Variants in SDK1 observed in about 807,000 individuals in gnomAD.
SDK1 encodes the protein sidekick cell adhesion molecule 1, also known as protein sidekick-1.
SDK1 carries 157 observed loss-of-function variants against 245.5 expected under a neutral mutation model. The observed-to-expected ratio is 0.64, with a 90% confidence interval of 0.56 to 0.73. SDK1 has a LOEUF of 0.73. Among genes scored for constraint, SDK1 ranks in the 30% least tolerant of loss-of-function variants. SDK1 has a pLI of 0.00. For synonymous variants in SDK1, 1,647 were observed against 1,278.5 expected (o/e 1.29, Z -6.15); for missense variants, 3,583 against 3,002.3 (o/e 1.19, Z -4.52).
intron 22 of SDK1, among the ~76,000 whole-genome samples, chr7:4,093,814 T>G (rs1781962481): frequency 1.3e-5 from 2 of 152,164 alleles, no homozygotes; most frequent in Non-Finnish European, 2.9e-5. Context: ...CGGGCTGTGT[T>G]TCATTTTGCT....
At chr7:3,428,889 G>T (rs73036706) in intron 1 of SDK1, among the ~76,000 whole-genome samples, 24,683 of 152,176 alleles carry the variant, frequency 0.16, 3,238 homozygotes, top group African/African-American at 0.36. Flanking sequence ...GGTCTAAATA[G>T]TTAGCAGTGG....
intron 28 of SDK1, among the ~76,000 whole-genome samples, chr7:4,140,168 C>G (rs1228752693): frequency 6.6e-6 from 1 of 152,182 alleles, no homozygotes; most frequent in Admixed American, 6.5e-5. Flanking sequence ...CTCTGCCGCC[C>G]CGCTCCACCC....
At chr7:4,240,831 C>G (rs1786472424) in intron 42 of SDK1, among the ~76,000 whole-genome samples, 1 of 152,032 alleles carries the variant, frequency 6.6e-6, no homozygotes, top group Middle Eastern at 3.2e-3. Context: ...GGGAGAGAAA[C>G]CCGGGAAATA....
chr7:3,550,528 T>A (rs547875913), intron 1 of SDK1, among the ~76,000 whole-genome samples: 13 of 152,310 alleles, frequency 8.5e-5, no homozygotes, highest in Admixed American at 4.6e-4. Context: ...GTGCTGACTG[T>A]CTGCAGTGTG....
chr7:4,220,860 C>G (rs1440919659), intron 39 of SDK1, among the ~76,000 whole-genome samples: 1 of 152,010 alleles, frequency 6.6e-6, no homozygotes, highest in Non-Finnish European at 1.5e-5. Flanking sequence ...CAGCCTCAAC[C>G]TCCCCCGGCT....
intron 4 of SDK1, among the ~76,000 whole-genome samples, chr7:3,790,269 T>C (rs757681730): frequency 1.8e-4 from 28 of 152,192 alleles, no homozygotes; most frequent in Non-Finnish European, 3.4e-4. Flanking sequence ...CAGATATTTA[T>C]ATCTGAAAAC....
chr7:3,875,517 G>C (rs969669922), intron 5 of SDK1, among the ~76,000 whole-genome samples: 3 of 152,262 alleles, frequency 2.0e-5, no homozygotes, highest in African/African-American at 7.2e-5. Flanking sequence ...ATGCAATCGT[G>C]TGTCAAGCTG....
chr7:3,324,610 G>C (rs1458991090), intron 1 of SDK1, among the ~76,000 whole-genome samples: 3 of 152,148 alleles, frequency 2.0e-5, no homozygotes. Context: ...CACTCCCATT[G>C]TATAACTGTA....
chr7:3,469,103 T>G (rs946726695), intron 1 of SDK1, among the ~76,000 whole-genome samples: 2 of 152,216 alleles, frequency 1.3e-5, no homozygotes, highest in African/African-American at 4.8e-5. Flanking sequence ...TGTTGTGATT[T>G]GAAATTTCGA....
At chr7:3,594,338 T>G (rs1780984014) in intron 1 of SDK1, among the ~76,000 whole-genome samples, 1 of 152,260 alleles carries the variant, frequency 6.6e-6, no homozygotes, top group South Asian at 2.1e-4. Flanking sequence ...CACATATTGC[T>G]TATCCATTTA....
chr7:3,992,481 G>T (rs954978118), intron 14 of SDK1, among the ~76,000 whole-genome samples: 11 of 152,190 alleles, frequency 7.2e-5, no homozygotes, highest in African/African-American at 2.7e-4. Flanking sequence ...CAGGCCAGGT[G>T]GCGGATGAGG....
rs1173300694 is a variant in SDK1 at position 3,816,349 on chromosome 7, CA to C, written c.714-5099del. ...ATCAACAAAATTGATAGACCGCTAG[CA>C]AGACTAATAAAGAAAAAAAGAGAGA... On this transcript the variant is annotated intron_variant, in intron 4 of 44. Coordinates refer to ENST00000404826, the MANE Select transcript of SDK1 (RefSeq NM_152744.4). Among the ~76,000 whole-genome samples, 39 of 148,718 alleles carry C rather than the reference CA, an allele frequency of 2.6e-4. No individual in the cohort carries two copies. In the East Asian group the frequency reaches 4.1e-3, roughly 16 times the overall value.
chr7:3,443,592 A>C (rs1780259128), intron 1 of SDK1, among the ~76,000 whole-genome samples: 1 of 152,190 alleles, frequency 6.6e-6, no homozygotes, highest in South Asian at 2.1e-4. Flanking sequence ...CTGAATTCCA[A>C]GTTTAAATGT....
chr7:3,734,844 A>T lies in SDK1; in HGVS notation c.714-86606A>T, dbSNP rs535570868. Among the ~76,000 whole-genome samples, 31 of 152,230 alleles carry T rather than the reference A, an allele frequency of 2.0e-4. 3 individuals carry two copies. The highest frequency in any genetic ancestry group is 7.5e-4 in the African/African-American group (31 of 41,544). On this transcript the variant is annotated intron_variant, in intron 4 of 44. Coordinates refer to ENST00000404826, the MANE Select transcript of SDK1 (RefSeq NM_152744.4). The stretch of plus-strand genomic sequence containing the variant: ...AGGATTAGCCAGCTTTTCTTTGGCA[A>T]TTTTTTTCATCTCAAGTAGTCCATA...
intron 1 of SDK1, among the ~76,000 whole-genome samples, chr7:3,352,295 C>T (rs978045957): frequency 3.3e-5 from 5 of 151,442 alleles, no homozygotes; most frequent in African/African-American, 7.3e-5. Context: ...ACTTGATACA[C>T]GTTCCAGAGA....
chr7:4,178,558 G>T lies in SDK1; in HGVS notation c.5070G>T (p.Ala1690=). ...YNIIGESPAS[A]PVEVFVGEAA... ...TCATCGGCGAGAGCCCAGCCAGCGC[G>T]CCCGTGGAGGTCTTTGTCGGCGAGG... is the stretch of plus-strand genomic sequence containing the variant. Residue 1690 remains alanine (A), a synonymous_variant, in exon 35 of 45, where the codon GCG becomes GCT. Coordinates refer to ENST00000404826, the MANE Select transcript of SDK1 (RefSeq NM_152744.4). The T allele has an allele frequency of 3.7e-6, 6 of 1,612,854 alleles. No homozygotes were observed. Among genetic ancestry groups the T allele is most frequent in the Non-Finnish European group, 4.2e-6 (5 of 1,179,868 alleles).
intron 1 of SDK1, among the ~76,000 whole-genome samples, chr7:3,375,325 A>G (rs1346404263): frequency 1.3e-5 from 2 of 152,228 alleles, no homozygotes; most frequent in Non-Finnish European, 2.9e-5. Flanking sequence ...AGAAAATGAA[A>G]TAAAGTCTAG....
chr7:3,749,885 C>G (rs767618600), intron 4 of SDK1, among the ~76,000 whole-genome samples: 1 of 152,106 alleles, frequency 6.6e-6, no homozygotes, highest in Non-Finnish European at 1.5e-5. Flanking sequence ...AAAGAAGAAA[C>G]AAAAATGAAA....
intron 5 of SDK1, among the ~76,000 whole-genome samples, chr7:3,851,954 G>T (rs2115103337): frequency 6.6e-6 from 1 of 152,352 alleles, no homozygotes; most frequent in Admixed American, 6.5e-5. Context: ...TGTGTTTGAA[G>T]TATGTTTTAC....
Sources: gnomAD v4.1 joint callset for allele counts (sites outside exome capture counted in the v4.1 genomes callset) on GRCh38, gnomAD v4.1.1 for gene constraint, MANE v1.5 for transcripts, NCBI Gene and HGNC (gene_info 2026-07-23, HGNC 2026-07-21) for gene names.